The following HOMER2 variants were observed in gnomAD, a reference collection of about 807,000 sequenced individuals.
HOMER2 encodes homer protein homolog 2.
In HOMER2, 27 loss-of-function variants were observed where a neutral mutation model predicts 47.0. That is an observed-to-expected ratio of 0.57 (90% CI 0.42 to 0.79). The LOEUF is 0.79. Among genes scored for constraint, HOMER2 ranks in the 30% least tolerant of loss-of-function variants. HOMER2 has a pLI of 0.00. For missense variants in HOMER2, 443 were observed against 435.0 expected, an observed-to-expected ratio of 1.02 and a Z score of -0.16; for synonymous variants, 161 against 163.8, an observed-to-expected ratio of 0.98 and a Z score of 0.13.
exon 2 of HOMER2, chr15:82,841,314 C>T (rs1415276446): frequency 6.6e-6 from 1 of 152,046 alleles, no homozygotes; most frequent in Middle Eastern, 3.2e-3. Flanking sequence ...TCTATTAAAA[C>T]GATTCATCTA....
chr15:82,894,055 T>A (rs1832850288), intron 1 of HOMER2, among the ~76,000 whole-genome samples: 1 of 96,690 alleles, frequency 1.0e-5, no homozygotes, highest in Admixed American at 1.0e-4. Flanking sequence ...ATAAACCTTT[T>A]GAGTTTTATG....
chr15:82,857,600 T>G (rs1036781180), intron 5 of HOMER2, among the ~76,000 whole-genome samples: 1 of 151,870 alleles, frequency 6.6e-6, no homozygotes, highest in African/African-American at 2.4e-5. Flanking sequence ...CCGGCCAATT[T>G]TTGTATTTTT....
chr15:82,836,763 A>G (rs2051131764), downstream of HOMER2, among the ~76,000 whole-genome samples: 1 of 152,228 alleles, frequency 6.6e-6, no homozygotes, highest in African/African-American at 2.4e-5. Flanking sequence ...GAACTAGGGA[A>G]TCAGGCAGGT....
chr15:82,953,615 T>C (rs1208476045), upstream of HOMER2, among the ~76,000 whole-genome samples: 1 of 152,184 alleles, frequency 6.6e-6, no homozygotes, highest in Non-Finnish European at 1.5e-5. Flanking sequence ...GGCTCACGCC[T>C]GTAATCCCAG....
At chr15:82,980,100 G>A (rs2030341646) in intron 1 of HOMER2, among the ~76,000 whole-genome samples, 1 of 151,962 alleles carries the variant, frequency 6.6e-6, no homozygotes, top group African/African-American at 2.4e-5. Context: ...ATATATGTAT[G>A]CATGTTTATA....
intron 1 of HOMER2, among the ~76,000 whole-genome samples, chr15:82,902,351 C>T (rs374697752): frequency 7.2e-4 from 110 of 152,196 alleles, no homozygotes; most frequent in African/African-American, 2.6e-3. Context: ...GCACCTGCCA[C>T]CACGCCCGGC....
At chr15:82,930,365 G>T (rs1208969957) in intron 1 of HOMER2, among the ~76,000 whole-genome samples, 1 of 152,214 alleles carries the variant, frequency 6.6e-6, no homozygotes, top group South Asian at 2.1e-4. Flanking sequence ...CACAAGGACC[G>T]CCTGGCATGA....
At chr15:82,871,846 T>C (rs750352614) in intron 3 of HOMER2, among the ~76,000 whole-genome samples, 49 of 152,208 alleles carry the variant, frequency 3.2e-4, no homozygotes, top group Non-Finnish European at 6.5e-4. Flanking sequence ...CTGGTTTTCG[T>C]GGGGAGTTCT....
chr15:82,936,271 G>T (rs965296313), intron 1 of HOMER2, among the ~76,000 whole-genome samples: 1 of 152,100 alleles, frequency 6.6e-6, no homozygotes, highest in African/African-American at 2.4e-5. Flanking sequence ...TTCTAAAGTC[G>T]GTCTCAGCCC....
chr15:82,926,870 C>T (rs2053866030), intron 1 of HOMER2, among the ~76,000 whole-genome samples: 1 of 152,088 alleles, frequency 6.6e-6, no homozygotes, highest in Non-Finnish European at 1.5e-5. Flanking sequence ...AAGCAAGACC[C>T]TCCCCAAATG....
intron 5 of HOMER2, among the ~76,000 whole-genome samples, chr15:82,856,558 G>C (rs1021756863): frequency 6.6e-6 from 1 of 152,182 alleles, no homozygotes; most frequent in East Asian, 1.9e-4. Flanking sequence ...GTTCAAGGCT[G>C]TAGTAAGCTA....
chr15:82,962,059 C>T (rs2054634180), intron 1 of HOMER2, among the ~76,000 whole-genome samples: 1 of 152,048 alleles, frequency 6.6e-6, no homozygotes, highest in African/African-American at 2.4e-5. Flanking sequence ...CCACTGCACC[C>T]AGCCCACACA....
At chr15:82,889,747 C>A (rs2052649473) in intron 2 of HOMER2, among the ~76,000 whole-genome samples, 1 of 152,196 alleles carries the variant, frequency 6.6e-6, no homozygotes, top group African/African-American at 2.4e-5. Context: ...TGTGGAACAG[C>A]TGAAGGCACA....
chr15:82,976,678 GTTTTTT>G (rs11422973), intron 1 of HOMER2, among the ~76,000 whole-genome samples: 2 of 125,208 alleles, frequency 1.6e-5, no homozygotes, highest in Admixed American at 1.8e-4. Flanking sequence ...TTTGTGTGTG[GTTTTTT>G]TTTTTTTTTT....
chr15:82,910,743 A>G (rs937037261), intron 1 of HOMER2, among the ~76,000 whole-genome samples: 1 of 152,170 alleles, frequency 6.6e-6, no homozygotes, highest in African/African-American at 2.4e-5. Context: ...AATTCCTCAG[A>G]TGGGAGTTTT....
intron 3 of HOMER2, among the ~76,000 whole-genome samples, chr15:82,867,166 C>A (rs1408172776): frequency 1.3e-5 from 2 of 151,198 alleles, no homozygotes; most frequent in Non-Finnish European, 2.9e-5. Flanking sequence ...GTTAAAGGGG[C>A]AAGAAAAAGA....
chr15:82,847,845 G>A (rs546350841), downstream of HOMER2, among the ~76,000 whole-genome samples: 57 of 152,276 alleles, frequency 3.7e-4, no homozygotes, highest in South Asian at 3.9e-3. Context: ...GGGCCACGGG[G>A]CTGACTCATA....
intron 1 of HOMER2, among the ~76,000 whole-genome samples, chr15:82,943,146 A>C (rs1310317147): frequency 2.6e-5 from 4 of 152,256 alleles, no homozygotes; most frequent in Non-Finnish European, 4.4e-5. Flanking sequence ...TTTACTATTT[A>C]TGTGTCCGGC....
downstream of HOMER2, among the ~76,000 whole-genome samples, chr15:82,848,792 G>A (rs925177211): frequency 5.3e-5 from 8 of 152,178 alleles, no homozygotes; most frequent in Non-Finnish European, 1.0e-4. Context: ...GGCTCCAGGG[G>A]CCTGAGACCA....
Sources: allele counts gnomAD v4.1 joint callset (sites outside exome capture counted in the v4.1 genomes callset), GRCh38; gene constraint gnomAD v4.1.1; transcripts MANE v1.5; gene names NCBI Gene and HGNC (gene_info 2026-07-23, HGNC 2026-07-21).